Variants in SLC25A5 observed in about 807,000 individuals in gnomAD.
SLC25A5 encodes ADP/ATP translocase 2.
A neutral mutation model predicts 16.5 loss-of-function variants in SLC25A5; 4 were observed. That is an observed-to-expected ratio of 0.24 (90% CI 0.12 to 0.56). The LOEUF (loss-of-function observed/expected upper bound fraction) is 0.56, where lower values mean the gene tolerates loss of function less well. Ranked by LOEUF, SLC25A5 falls within the 20% of genes least tolerant of loss-of-function variation. The pLI is 0.93. For synonymous variants in SLC25A5, 60 were observed against 95.2 expected, an observed-to-expected ratio of 0.63 and a Z score of 2.15; for missense variants, 88 against 248.0, an observed-to-expected ratio of 0.35 and a Z score of 4.33.
chrX:119,468,465 G>GCCGGTTCCCGGC lies in SLC25A5; in HGVS notation c.-48_-37dup, dbSNP rs772285357. 2.6e-5 allele frequency: 29 copies of GCCGGTTCCCGGC among 1,094,512 alleles called. No individual in the cohort carries two copies. The highest frequency in any genetic ancestry group is 3.6e-5 in the African/African-American group (2 of 55,956). The allele number at this position is 1,094,512 out of a possible 1,213,427, so 90.2% of individuals were successfully genotyped here. On this transcript the variant is annotated 5_prime_UTR_variant, in exon 1 of 4. Transcript: ENST00000317881. ...TCCGCCCCGCAGCGCCGGAGTCAAA[G>GCCGGTTCCCGGC]CCGGTTCCCGGCCCAGTCCCGTCCT...
chrX:119,468,738 G>C, intron 1 of SLC25A5, 112 bp downstream of exon 1: 2 of 649,219 alleles, frequency 3.1e-6, no homozygotes, highest in Non-Finnish European at 4.8e-6. Flanking sequence ...CCAGGGAAGC[G>C]GCTTAGGAGA....
At chrX:119,468,751 C>A in intron 1 of SLC25A5, 125 bp downstream of exon 1, 1 of 570,723 alleles carries the variant, frequency 1.8e-6, no homozygotes, top group Non-Finnish European at 2.8e-6. Context: ...TTAGGAGAGG[C>A]CAGAGCGGGG....
At chrX:119,470,544 G>T in intron 3 of SLC25A5, 31 bp downstream of exon 3, 2 of 1,193,020 alleles carry the variant, frequency 1.7e-6, no homozygotes, top group Non-Finnish European at 1.1e-6. Context: ...AGATAAAGTT[G>T]TAGTCGTGGG....
chrX:119,468,725 T>C (rs1201774992), intron 1 of SLC25A5, 99 bp downstream of exon 1: 6 of 718,986 alleles, frequency 8.3e-6, no homozygotes, highest in Non-Finnish European at 1.0e-5. Flanking sequence ...TCTAAAGACA[T>C]GGCCAGGGAA....
Position 119,469,960 on chromosome X carries a change from C to G in SLC25A5, c.411C>G (p.Ala137=). The change falls in exon 2 of 4, where the codon GCC becomes GCG. Residue 137 remains alanine (A), a synonymous_variant. Transcript: ENST00000317881. ...GTTTTGTGTACCCTCTTGATTTTGC[C>G]CGTACCCGTCTAGCAGCTGATGTGG... ...SLCFVYPLDF[A]RTRLAADVGK... 1 of 1,212,131 alleles carries G rather than the reference C, an allele frequency of 8.2e-7. No homozygotes were observed. Among genetic ancestry groups the G allele is most frequent in the Non-Finnish European group, 1.1e-6 (1 of 895,468 alleles).
rs1297369443 is a variant in SLC25A5 at position 119,471,195 on chromosome X, T to C, written c.*137T>C. On this transcript the variant is annotated 3_prime_UTR_variant, in exon 4 of 4. Coordinates refer to ENST00000317881, the MANE Select transcript of SLC25A5 (RefSeq NM_001152.5). Reference sequence around the variant, plus strand: ...TGGTTGAAAATGGGAAGCAATAATATTCATCTGACCAGTTTTCTCTTAAAG... The same window carrying C: ...TGGTTGAAAATGGGAAGCAATAATACTCATCTGACCAGTTTTCTCTTAAAG... The C allele has an allele frequency of 4.2e-6, 2 of 476,841 alleles. No individual in the cohort carries two copies. Among genetic ancestry groups the C allele is most frequent in the Admixed American group, 9.2e-5 (2 of 21,760 alleles). The allele number at this position is 476,841 out of a possible 1,213,427, so 39.3% of individuals were successfully genotyped here. A position where few individuals can be genotyped will look rare whatever the true frequency, so the allele number is the denominator to read the frequency against.
Position 119,471,126 on chromosome X carries a change from T to C in SLC25A5, c.*68T>C. 3 of 974,489 alleles carry C rather than the reference T, an allele frequency of 3.1e-6. No homozygotes were observed. Among genetic ancestry groups the C allele is most frequent in the Non-Finnish European group, 2.8e-6 (2 of 723,993 alleles). The allele number at this position is 974,489 out of a possible 1,213,427, so 80.3% of individuals were successfully genotyped here. ...ATTATATAACATATCTTGAGCATTCTTGACAGACTCCTGGCTGTCAGTTTC... is the reference window on the plus strand; with the variant it reads ...ATTATATAACATATCTTGAGCATTCCTGACAGACTCCTGGCTGTCAGTTTC... On this transcript the variant is annotated 3_prime_UTR_variant, in exon 4 of 4. Transcript: ENST00000317881.
intron 1 of SLC25A5, 97 bp downstream of exon 1, chrX:119,468,723 C>T (rs1603301076): frequency 1.4e-6 from 1 of 735,076 alleles, no homozygotes; most frequent in Non-Finnish European, 2.0e-6. Flanking sequence ...ACTCTAAAGA[C>T]ATGGCCAGGG....
rs184191114 is a variant in SLC25A5 at position 119,470,549 on chromosome X, C to T, written c.739+36C>T. 295 of 1,183,169 alleles carry T rather than the reference C, an allele frequency of 2.5e-4. No individual in the cohort carries two copies. In the African/African-American group the frequency reaches 3.0e-3, roughly 12 times the overall value. On this transcript the variant is annotated intron_variant, in intron 3 of 3. Transcript: ENST00000317881. ...CTTGAGCAGAAGATAAAGTTGTAGT[C>T]GTGGGGCAATCTGCTGCCACAAACT... is the stretch of plus-strand genomic sequence containing the variant.
At chrX:119,468,661 T>G (rs1343578815) in intron 1 of SLC25A5, 35 bp downstream of exon 1, 1 of 1,122,136 alleles carries the variant, frequency 8.9e-7, no homozygotes, top group African/African-American at 1.8e-5. Flanking sequence ...AACCAGGAAG[T>G]GGGGGGAAGG....
intron 1 of SLC25A5, 141 bp from the exon 2 acceptor site, chrX:119,469,520 T>G: frequency 1.4e-6 from 1 of 701,909 alleles, no homozygotes; most frequent in South Asian, 2.9e-5. Flanking sequence ...GTTGGGAGGG[T>G]CCAGCCAGTA....
In SLC25A5 at chrX:119,469,885, C is replaced by G; in HGVS notation, c.336C>G (p.Tyr112Ter). The G allele has an allele frequency of 8.2e-7, 1 of 1,212,885 alleles. No individual in the cohort carries two copies. The highest frequency in any genetic ancestry group is 1.1e-6 in the Non-Finnish European group (1 of 895,697). Residue 112 changes from tyrosine (Y) to a stop codon, truncating the protein, a stop_gained, in exon 2 of 4, where the codon TAC (tyrosine) becomes TAG (stop). Coordinates refer to ENST00000317881, the MANE Select transcript of SLC25A5 (RefSeq NM_001152.5). LOFTEE classifies it high-confidence loss of function. ...GVDKRTQFWL[Y>*]FAGNLASGGA... ...ACAAGAGAACCCAGTTTTGGCTCTA[C>G]TTTGCAGGGAATCTGGCATCGGGTG...
At chrX:119,468,950 C>T (rs1259329151) in intron 1 of SLC25A5, 1 of 257,650 alleles carries the variant, frequency 3.9e-6, no homozygotes, top group East Asian at 7.1e-5. Context: ...AGGCCGAAAG[C>T]CGGCGTTAGA....
intron 1 of SLC25A5, 151 bp from the exon 2 acceptor site, chrX:119,469,510 G>A (rs980917670): frequency 2.4e-5 from 15 of 621,836 alleles, no homozygotes; most frequent in Admixed American, 1.3e-4. Context: ...GCCTCAGAGG[G>A]TTGGGAGGGT....
At chrX:119,469,444 C>T (rs1222077291) in intron 1 of SLC25A5, 47 of 405,611 alleles carry the variant, frequency 1.2e-4, no homozygotes, top group South Asian at 6.4e-4. Context: ...CCCCTCTCCA[C>T]TCAGAGGGGT....
rs772687551 is a variant in SLC25A5, at chrX:119,471,372, GAATA to G, written c.*319_*322del. 1.1e-3 allele frequency: 150 copies of G among 132,199 alleles called. No individual in the cohort carries two copies. The highest frequency in any genetic ancestry group is 5.7e-3 in the African/African-American group (140 of 24,530). The allele number at this position is 132,199 out of a possible 1,213,427, so 10.9% of individuals were successfully genotyped here. Reference sequence around the variant, plus strand: ...AAATGCATATTTGAGTGCTACATTCGAATAAATACTACCTTTTTAGTGAATGCTA... The same window carrying G: ...AAATGCATATTTGAGTGCTACATTCGAATACTACCTTTTTAGTGAATGCTA... On this transcript the variant is annotated 3_prime_UTR_variant, in exon 4 of 4. Transcript: ENST00000317881.
intron 3 of SLC25A5, 103 bp downstream of exon 3, chrX:119,470,616 G>A: frequency 1.0e-6 from 1 of 988,725 alleles, no homozygotes; most frequent in South Asian, 2.2e-5. Context: ...CCAAGTCAAG[G>A]GATGGGGTTG....
In SLC25A5 at chrX:119,469,902, C is replaced by T; in HGVS notation, c.353C>T (p.Ala118Val). 1 of 1,212,753 alleles carries T rather than the reference C, an allele frequency of 8.2e-7. No homozygotes were observed. Among genetic ancestry groups the T allele is most frequent in the Non-Finnish European group, 1.1e-6 (1 of 895,646 alleles). The change falls in exon 2 of 4, where the codon GCA (alanine) becomes GTA (valine). Residue 118 changes from alanine to valine, a missense_variant. Transcript: ENST00000317881. The stretch of plus-strand genomic sequence containing the variant: ...TGGCTCTACTTTGCAGGGAATCTGG[C>T]ATCGGGTGGTGCCGCAGGGGCCACA... ...QFWLYFAGNL[A>V]SGGAAGATSL...
At position 119,469,477 on chromosome X, in the gene SLC25A5, A is replaced by G. The variant is rs1489796443; in HGVS notation, c.112-184A>G. On this transcript the variant is annotated intron_variant, in intron 1 of 3. Coordinates refer to ENST00000317881, the MANE Select transcript of SLC25A5 (RefSeq NM_001152.5). The stretch of plus-strand genomic sequence containing the variant: ...GGTGGAGGCTTAATGCTACTGGTGC[A>G]GATCACCTCTTCCCCTGTGACAGCC... 1.5e-5 allele frequency: 7 copies of G among 480,252 alleles called. No individual in the cohort carries two copies. The East Asian group carries it at 2.5e-4, about 17-fold the overall frequency. The allele number at this position is 480,252 out of a possible 1,213,427, so 39.6% of individuals were successfully genotyped here. A position where few individuals can be genotyped will look rare whatever the true frequency, so the allele number is the denominator to read the frequency against.
Sources: allele counts gnomAD v4.1 joint callset, GRCh38; gene constraint gnomAD v4.1.1; transcripts MANE v1.5; gene names NCBI Gene and HGNC (gene_info 2026-07-23, HGNC 2026-07-21).